SH2D3C: variants seen among roughly 807,000 people sequenced by gnomAD.
SH2D3C encodes the protein SH2 domain containing 3C.
Under a neutral mutation model 75.2 loss-of-function variants are expected in SH2D3C, and 25 were observed. The ratio of observed to expected loss-of-function variants is 0.33; its 90% confidence interval spans 0.24 to 0.46. The LOEUF is 0.46. Ranked by LOEUF, SH2D3C falls within the 20% of genes least tolerant of loss-of-function variation. The pLI is 1.00. For missense variants in SH2D3C, 933 were observed against 1,165.3 expected (o/e 0.80, Z 2.90); for synonymous variants, 450 against 473.7 (o/e 0.95, Z 0.65).
In SH2D3C at chr9:127,745,159, C is replaced by T. The variant is rs967334244; in HGVS notation, c.1265-60G>A. On this transcript the variant is annotated intron_variant, in intron 6 of 11. Transcript: ENST00000314830. ...CAGCTCCCCACCAAAGTGAGATTCCCGCACCCCTTCCCAAAGAACAGGCTC... is the reference window on the plus strand; with the variant it reads ...CAGCTCCCCACCAAAGTGAGATTCCTGCACCCCTTCCCAAAGAACAGGCTC... 4.4e-6 allele frequency: 6 copies of T among 1,374,806 alleles called. No homozygotes were observed. The African/African-American group carries it at 5.8e-5, about 13-fold the overall frequency. 85.2% of individuals were successfully genotyped at this position (1,374,806 alleles called of 1,614,324 possible).
At chr9:127,747,404 G>T in intron 5 of SH2D3C, 133 bp from the exon 6 acceptor site, 1 of 825,494 alleles carries the variant, frequency 1.2e-6, no homozygotes, top group Non-Finnish European at 1.8e-6. Flanking sequence ...CCAACCTCCC[G>T]ACTGACAGGT....
rs140510163 is a variant in SH2D3C at position 127,757,602 on chromosome 9, AGATGATGAT to A, written c.555+4000_555+4008del. 2.2e-3 allele frequency among the ~76,000 whole-genome samples: 311 copies of A among 138,388 alleles called. 3 individuals carry two copies. The highest frequency in any genetic ancestry group is 7.4e-3 in the African/African-American group (275 of 37,360). The allele number at this position is 138,388 out of a possible 152,430, so 90.8% of individuals were successfully genotyped here. A position where few individuals can be genotyped will look rare whatever the true frequency, so the allele number is the denominator to read the frequency against. On this transcript the variant is annotated intron_variant, in intron 3 of 11. Transcript: ENST00000314830. Reference sequence around the variant, plus strand: ...ATTACAGGCATGCACCACCATACCCAGATGATGATGATGATGATGATGATGATGATGATG... The same window carrying A: ...ATTACAGGCATGCACCACCATACCCAGATGATGATGATGATGATGATGATG...
intron 3 of SH2D3C, among the ~76,000 whole-genome samples, chr9:127,757,639 G>T (rs62587181): frequency 0.58 from 65,280 of 112,948 alleles, 17,368 homozygotes; most frequent in East Asian, 0.68. Context: ...TGATGATGAT[G>T]ATGATGATTA....
intron 2 of SH2D3C, 65 bp from the exon 3 acceptor site, chr9:127,761,715 GCC>G: frequency 7.2e-7 from 1 of 1,385,464 alleles, no homozygotes; most frequent in South Asian, 1.2e-5. Flanking sequence ...CCGGTCTCTT[GCC>G]TGCCTGCCTG....
Position 127,741,958 on chromosome 9 carries a change from A to G in SH2D3C, c.1918T>C (p.Phe640Leu), listed in dbSNP as rs1172002487. ...RQLRLDLLER[F>L]HTMSIMLAVD... ...GCCAGCATGATGGACATGGTGTGGA[A>G]CCTGTCAGAGCGGCGGGGTCAGAGG... The change falls in exon 9 of 12, where the codon TTC becomes CTC. Residue 640 changes from phenylalanine (F) to leucine (L), a missense_variant and splice_region_variant. Physicochemically the swap from Phe to Leu is conservative, Grantham distance 22 (BLOSUM62 0). Transcript: ENST00000314830. The G allele has an allele frequency of 6.2e-7, 1 of 1,610,260 alleles. No individual in the cohort carries two copies. The highest frequency in any genetic ancestry group is 1.1e-5 in the South Asian group (1 of 90,994).
intron 4 of SH2D3C, among the ~76,000 whole-genome samples, chr9:127,750,404 C>G (rs1281032594): frequency 6.6e-6 from 1 of 152,184 alleles, no homozygotes; most frequent in African/African-American, 2.4e-5. Context: ...ATCTGCCCAC[C>G]TCAGCCTCCC....
At chr9:127,762,907 A>G (rs143707994) in intron 2 of SH2D3C, among the ~76,000 whole-genome samples, 1 of 152,364 alleles carries the variant, frequency 6.6e-6, no homozygotes, top group African/African-American at 2.4e-5. Context: ...AGACGGTACC[A>G]TGATTATGCC....
In SH2D3C at chr9:127,741,932, G is replaced by A. The variant is rs1020906201; in HGVS notation, c.1944C>T (p.Ala648=). 1.2e-6 allele frequency: 2 copies of A among 1,612,684 alleles called. No homozygotes were observed. Among genetic ancestry groups the A allele is most frequent in the East Asian group, 2.2e-5 (1 of 44,866 alleles). The change falls in exon 9 of 12, where the codon GCC becomes GCT. Residue 648 remains alanine, a synonymous_variant. Transcript: ENST00000314830. ...AGCCGGTGCAGCCCAGGATGTCCAC[G>A]GCCAGCATGATGGACATGGTGTGGA... ...ERFHTMSIML[A]VDILGCTGSA...
In SH2D3C at chr9:127,747,194, G is replaced by C. The variant is rs1381671769; in HGVS notation, c.1217C>G (p.Pro406Arg). ...AGGGCTCTCGGAGATGGGCGACATG[G>C]GTGAGTGCAGGTCTGGGATCTGGTC... Reference protein sequence around the residue: ...SMDQIPDLHSPMSPISESPSS... With the variant: ...SMDQIPDLHSRMSPISESPSS... Residue 406 changes from proline to arginine, a missense_variant, in exon 6 of 12, where the codon CCC becomes CGC. Transcript: ENST00000314830. 4.3e-6 allele frequency: 7 copies of C among 1,614,010 alleles called. No homozygotes were observed. The highest frequency in any genetic ancestry group is 5.9e-6 in the Non-Finnish European group (7 of 1,179,978).
chr9:127,742,079 G>T, intron 8 of SH2D3C, 120 bp from the exon 9 acceptor site: 1 of 956,926 alleles, frequency 1.0e-6, no homozygotes, highest in Admixed American at 2.8e-5. Context: ...GTGAGAGGTT[G>T]TAAGGGTCAA....
At chr9:127,755,651 A>G (rs1845360943) in intron 3 of SH2D3C, among the ~76,000 whole-genome samples, 1 of 152,208 alleles carries the variant, frequency 6.6e-6, no homozygotes, top group African/African-American at 2.4e-5. Context: ...TGGCCTCAGG[A>G]AATCTCCCAG....
chr9:127,765,854 G>T (rs778584689), intron 2 of SH2D3C, among the ~76,000 whole-genome samples: 4 of 152,154 alleles, frequency 2.6e-5, no homozygotes, highest in Non-Finnish European at 5.9e-5. Flanking sequence ...TATTAGTGGT[G>T]AAATCAATTA....
intron 7 of SH2D3C, among the ~76,000 whole-genome samples, chr9:127,743,572 G>C (rs1373798045): frequency 4.6e-5 from 7 of 152,186 alleles, no homozygotes. Flanking sequence ...GTTCATTGCA[G>C]AGGGAAACCC....
Position 127,739,438 on chromosome 9 carries a change from A to G in SH2D3C, c.2407+244T>C, listed in dbSNP as rs145895609. ...GGCAGGAGAATCGCTTGAACTTGGG[A>G]GGCGGAGGTTGCAGTGAGCCGAGAC... On this transcript the variant is annotated intron_variant, in intron 11 of 11. Coordinates refer to ENST00000314830, the MANE Select transcript of SH2D3C (RefSeq NM_170600.3). The surrounding 1 kb of genome is among the most constrained non-coding windows in gnomAD (Gnocchi z 4.3). 0.039 allele frequency among the ~76,000 whole-genome samples: 5,980 copies of G among 152,066 alleles called. 158 individuals carry two copies. The highest frequency in any genetic ancestry group is 0.075 in the African/African-American group (3,123 of 41,450).
chr9:127,765,297 T>G (rs1374735055), intron 2 of SH2D3C, among the ~76,000 whole-genome samples: 1 of 152,170 alleles, frequency 6.6e-6, no homozygotes, highest in East Asian at 1.9e-4. Flanking sequence ...CCCTGACCCC[T>G]CATCTGACTT....
intron 2 of SH2D3C, among the ~76,000 whole-genome samples, chr9:127,772,272 C>T (rs1353535235): frequency 2.9e-5 from 4 of 136,150 alleles, no homozygotes; most frequent in East Asian, 2.2e-4. Context: ...GTTGGAGTCT[C>T]GCTTTGTCGC....
At chr9:127,766,855 C>A in intron 2 of SH2D3C, 4 of 1,386,900 alleles carry the variant, frequency 2.9e-6, no homozygotes, top group Non-Finnish European at 2.9e-6. Context: ...CAGGCGTGAG[C>A]CCTGTGCCCA....
intron 2 of SH2D3C, chr9:127,767,330 C>T: frequency 7.0e-7 from 1 of 1,429,120 alleles, no homozygotes; most frequent in South Asian, 1.5e-5. Context: ...TGAGGGAACG[C>T]CTGGATCTCG....
Position 127,747,177 on chromosome 9 carries a change from C to T in SH2D3C, c.1234G>A (p.Glu412Lys), listed in dbSNP as rs774083450. 1.1e-5 allele frequency: 17 copies of T among 1,613,882 alleles called. No homozygotes were observed. The highest frequency in any genetic ancestry group is 3.3e-5 in the Admixed American group (2 of 60,002). The change falls in exon 6 of 12, where the codon GAG becomes AAG. Residue 412 changes from glutamate (E) to lysine (K), a missense_variant. Physicochemically the swap from Glu to Lys is moderately conservative, Grantham distance 56. Coordinates refer to ENST00000314830, the MANE Select transcript of SH2D3C (RefSeq NM_170600.3). ...CTGTAGGCAGGGGAGCTAGGGCTCT[C>T]GGAGATGGGCGACATGGGTGAGTGC... Reference protein sequence around the residue: ...DLHSPMSPISESPSSPAYSTV... With the variant: ...DLHSPMSPISKSPSSPAYSTV...
Sources: gnomAD v4.1 joint callset for allele counts (sites outside exome capture counted in the v4.1 genomes callset) on GRCh38, gnomAD v4.1.1 for gene constraint, Gnocchi (gnomAD v3.1) non-coding constraint, MANE v1.5 for transcripts, NCBI Gene and HGNC (gene_info 2026-07-23, HGNC 2026-07-21) for gene names.